Variants in SPMIP2 observed in about 807,000 individuals in gnomAD.
SPMIP2 encodes the protein protein SPMIP2.
the SPMIP2 span, among the ~76,000 whole-genome samples, chr4:158,938,911 A>G: frequency 6.6e-6 from 1 of 152,224 alleles, no homozygotes; most frequent in East Asian, 1.9e-4. Context: ...CTATTAGATC[A>G]TCTAGGGTCA....
chr4:159,064,767 C>A, the SPMIP2 span, among the ~76,000 whole-genome samples: 4 of 152,036 alleles, frequency 2.6e-5, no homozygotes, highest in Admixed American at 6.6e-5. Flanking sequence ...GTTTTTAAAT[C>A]GTTTTCATTA....
At chr4:159,057,983 G>A in the SPMIP2 span, among the ~76,000 whole-genome samples, 1 of 152,066 alleles carries the variant, frequency 6.6e-6, no homozygotes, top group Admixed American at 6.5e-5. Flanking sequence ...TCCCACCTCA[G>A]CCTCCCAAGT....
chr4:159,066,613 AT>A, the SPMIP2 span, among the ~76,000 whole-genome samples: 828 of 51,518 alleles, frequency 0.016, 11 homozygotes, highest in South Asian at 0.14. Flanking sequence ...ATATATATAT[AT>A]ATATATAGTA....
At chr4:159,006,801 T>TA in the SPMIP2 span, among the ~76,000 whole-genome samples, 2 of 152,130 alleles carry the variant, frequency 1.3e-5, no homozygotes, top group African/African-American at 4.8e-5. Flanking sequence ...CAAACACAGG[T>TA]AGGACAACCT....
chr4:158,924,527 C>T, the SPMIP2 span, among the ~76,000 whole-genome samples: 1 of 152,048 alleles, frequency 6.6e-6, no homozygotes, highest in Non-Finnish European at 1.5e-5. Flanking sequence ...TTACAGGTGC[C>T]CACCACCATG....
chr4:158,923,362 C>G, the SPMIP2 span, among the ~76,000 whole-genome samples: 1 of 152,122 alleles, frequency 6.6e-6, no homozygotes, highest in Non-Finnish European at 1.5e-5. Context: ...ATTAAGTCTT[C>G]TAGTTAATGC....
chr4:158,910,622 A>G, the SPMIP2 span, among the ~76,000 whole-genome samples: 1 of 152,170 alleles, frequency 6.6e-6, no homozygotes, highest in African/African-American at 2.4e-5. Context: ...AAGTCAGTGG[A>G]CCCTGAATAA....
chr4:158,985,191 T>A, the SPMIP2 span, among the ~76,000 whole-genome samples: 879 of 144,290 alleles, frequency 6.1e-3, 17 homozygotes, highest in African/African-American at 0.022. Context: ...CACAGCCGAA[T>A]TCTACCAGAG....
chr4:158,961,848 CTGTAGTGTTAAACCTAATAAAAT>C, the SPMIP2 span, among the ~76,000 whole-genome samples: 2 of 152,020 alleles, frequency 1.3e-5, no homozygotes, highest in South Asian at 4.1e-4. Context: ...TCTATGTTTA[CTGTAGTGTTAAACCTAATAAAAT>C]TCAGACTCAG....
At chr4:158,937,607 C>G in the SPMIP2 span, 1 of 154,420 alleles carries the variant, frequency 6.5e-6, no homozygotes, top group African/African-American at 2.4e-5. Context: ...ATTTGAGGCA[C>G]TTAGCAGCCT....
At chr4:158,902,980 C>A in the SPMIP2 span, among the ~76,000 whole-genome samples, 4 of 152,170 alleles carry the variant, frequency 2.6e-5, no homozygotes, top group African/African-American at 9.7e-5. Context: ...AGCCCCCTTT[C>A]CAGGGGAGTG....
At chr4:159,014,893 T>C in the SPMIP2 span, among the ~76,000 whole-genome samples, 1 of 152,336 alleles carries the variant, frequency 6.6e-6, no homozygotes, top group South Asian at 2.1e-4. Context: ...TCGAAGCCAT[T>C]CTAGGCTGCA....
chr4:159,017,117 GGGA>G, the SPMIP2 span, among the ~76,000 whole-genome samples: 4 of 151,966 alleles, frequency 2.6e-5, no homozygotes, highest in African/African-American at 9.7e-5. Context: ...AATGTTAGAT[GGGA>G]AAGGAAAAAG....
At chr4:158,907,935 A>G in the SPMIP2 span, 1 of 152,316 alleles carries the variant, frequency 6.6e-6, no homozygotes, top group African/African-American at 2.4e-5. Context: ...GTTTTTGATC[A>G]GTCTGAATAG....
chr4:158,949,096 T>C, the SPMIP2 span, among the ~76,000 whole-genome samples: 1,570 of 152,354 alleles, frequency 0.01, 79 homozygotes, highest in East Asian at 0.15. Context: ...AACTCACCTA[T>C]ATAGTATACA....
the SPMIP2 span, among the ~76,000 whole-genome samples, chr4:159,068,567 G>A: frequency 2.6e-5 from 4 of 151,550 alleles, no homozygotes; most frequent in African/African-American, 4.9e-5. Context: ...GCTAAATGAC[G>A]AGTTAATGGG....
At chr4:158,940,110 G>C in the SPMIP2 span, among the ~76,000 whole-genome samples, 252 of 152,266 alleles carry the variant, frequency 1.7e-3, no homozygotes, top group Middle Eastern at 6.8e-3. Flanking sequence ...GAGGCTAGAA[G>C]TCCCAGATCA....
chr4:158,910,745 G>A, the SPMIP2 span, among the ~76,000 whole-genome samples: 1 of 152,168 alleles, frequency 6.6e-6, no homozygotes, highest in African/African-American at 2.4e-5. Flanking sequence ...CTGCCTTCAG[G>A]CTGGAGCTGC....
At chr4:158,917,765 A>G in the SPMIP2 span, among the ~76,000 whole-genome samples, 2 of 111,420 alleles carry the variant, frequency 1.8e-5, no homozygotes, top group Admixed American at 1.3e-4. Flanking sequence ...TCTGTCTCCT[A>G]GGTTGGAGTG....
Sources: allele counts gnomAD v4.1 joint callset (sites outside exome capture counted in the v4.1 genomes callset), GRCh38; gene constraint gnomAD v4.1.1; transcripts MANE v1.5; gene names NCBI Gene and HGNC (gene_info 2026-07-23, HGNC 2026-07-21).